The following TUSC3 variants were observed in gnomAD, a reference collection of about 807,000 sequenced individuals.
The protein encoded by TUSC3 is tumor suppressor candidate 3.
In TUSC3, 45 loss-of-function variants were observed where a neutral mutation model predicts 44.8. That is an observed-to-expected ratio of 1.00 (90% CI 0.79 to 1.29). The LOEUF (loss-of-function observed/expected upper bound fraction) is 1.29, where lower values mean the gene tolerates loss of function less well. TUSC3 is among the 50% of genes most tolerant of loss of function. The pLI, the probability that TUSC3 is intolerant of heterozygous loss-of-function variation, is 0.00. For missense variants in TUSC3, 519 were observed against 437.9 expected (o/e 1.19, Z -1.65); for synonymous variants, 212 against 152.9 (o/e 1.39, Z -2.85).
At chr8:15,700,465 C>G (rs944640615) in intron 6 of TUSC3, among the ~76,000 whole-genome samples, 3 of 152,020 alleles carry the variant, frequency 2.0e-5, no homozygotes, top group African/African-American at 7.2e-5. Flanking sequence ...GTGAAAGAGC[C>G]TTTTCCTTAG....
At chr8:15,648,130 ACT>A in intron 2 of TUSC3, among the ~76,000 whole-genome samples, 1 of 151,718 alleles carries the variant, frequency 6.6e-6, no homozygotes, top group African/African-American at 2.4e-5. Context: ...GACTTACTGG[ACT>A]CTAGGTCCTT....
chr8:15,434,711 G>C (rs1799923250), intron 1 of TUSC3, among the ~76,000 whole-genome samples: 1 of 151,546 alleles, frequency 6.6e-6, no homozygotes, highest in African/African-American at 2.4e-5. Flanking sequence ...ACAGGCCCCG[G>C]TGTGTGATAT....
At chr8:15,718,697 A>C (rs905641571) in intron 6 of TUSC3, among the ~76,000 whole-genome samples, 3 of 152,156 alleles carry the variant, frequency 2.0e-5, no homozygotes, top group African/African-American at 7.2e-5. Flanking sequence ...TTTAATTTTC[A>C]TAAACTTAGA....
intron 5 of TUSC3, among the ~76,000 whole-genome samples, chr8:15,671,024 A>G (rs953048392): frequency 6.6e-6 from 1 of 151,974 alleles, no homozygotes; most frequent in African/African-American, 2.4e-5. Flanking sequence ...ACAGAGGCTC[A>G]CAGCTAATAC....
At chr8:15,470,899 C>G (rs1298113900) in intron 1 of TUSC3, among the ~76,000 whole-genome samples, 1 of 151,976 alleles carries the variant, frequency 6.6e-6, no homozygotes, top group Non-Finnish European at 1.5e-5. Flanking sequence ...TGCCTTGTGC[C>G]CTGAGCTGAG....
At chr8:15,651,653 C>A (rs112729001) in intron 3 of TUSC3, among the ~76,000 whole-genome samples, 1 of 152,168 alleles carries the variant, frequency 6.6e-6, no homozygotes, top group South Asian at 2.1e-4. Context: ...TCACCCGAAA[C>A]CAACTCTGCC....
chr8:15,438,718 T>C (rs910435626), intron 1 of TUSC3, among the ~76,000 whole-genome samples: 1 of 152,214 alleles, frequency 6.6e-6, no homozygotes, highest in Non-Finnish European at 1.5e-5. Context: ...TCCTTGCTCT[T>C]ATATAGGACT....
the TUSC3 span, among the ~76,000 whole-genome samples, chr8:15,820,048 G>A: frequency 6.6e-6 from 1 of 152,070 alleles, no homozygotes; most frequent in South Asian, 2.1e-4. Context: ...CTAGTTTGCT[G>A]AGATTTTTGT....
At chr8:15,617,002 G>T (rs554178711) in intron 1 of TUSC3, among the ~76,000 whole-genome samples, 17 of 152,238 alleles carry the variant, frequency 1.1e-4, no homozygotes, top group African/African-American at 3.9e-4. Context: ...AGAGATTTCC[G>T]GCTAGCGAAG....
At position 15,421,668 on chromosome 8, in the gene TUSC3, G is replaced by GA. The variant is rs1338100565; in HGVS notation, n.91+4369dup. On this transcript the variant is annotated intron_variant and non_coding_transcript_variant, in intron 1 of 5. Coordinates refer to the TUSC3 transcript ENST00000503191. Reference sequence around the variant, plus strand: ...GTTTTGTCCACTAATGGGACAGTGGGAAAAAATATATAACAGATACTGAAT... The same window carrying GA: ...GTTTTGTCCACTAATGGGACAGTGGGAAAAAAATATATAACAGATACTGAAT... 5.9e-5 allele frequency among the ~76,000 whole-genome samples: 9 copies of GA among 152,078 alleles called. No homozygotes were observed. In the East Asian group the frequency reaches 1.2e-3, roughly 20 times the overall value.
rs1200709382 is a variant in TUSC3 at position 15,458,792 on chromosome 8, G to T, written n.92-24594G>T. Among the ~76,000 whole-genome samples, 4 of 152,140 alleles carry T rather than the reference G, an allele frequency of 2.6e-5. 1 individual carries two copies. The South Asian group carries it at 6.2e-4, about 24-fold the overall frequency. On this transcript the variant is annotated intron_variant and non_coding_transcript_variant, in intron 1 of 5. Transcript: ENST00000503191. ...AATCTTCACTAGGGAAGAACCATCA[G>T]TTTATCTTTGCAAGGACAAAAGGCC...
At chr8:15,438,793 A>C (rs1006055581) in intron 1 of TUSC3, among the ~76,000 whole-genome samples, 2 of 152,194 alleles carry the variant, frequency 1.3e-5, no homozygotes, top group African/African-American at 4.8e-5. Flanking sequence ...TGACAATCCT[A>C]GGAGCTAGGC....
intron 2 of TUSC3, among the ~76,000 whole-genome samples, chr8:15,533,842 C>G (rs1322161082): frequency 1.3e-5 from 2 of 152,052 alleles, no homozygotes; most frequent in Non-Finnish European, 2.9e-5. Flanking sequence ...GGGCTGACAT[C>G]TCTCCAGTCA....
intron 7 of TUSC3, among the ~76,000 whole-genome samples, chr8:15,732,885 A>G (rs889548486): frequency 3.9e-5 from 6 of 152,094 alleles, no homozygotes; most frequent in Admixed American, 3.3e-4. Context: ...TTGATGATGC[A>G]TGCTTGGATA....
At chr8:15,514,193 A>C (rs1013772773) in intron 2 of TUSC3, among the ~76,000 whole-genome samples, 2 of 152,166 alleles carry the variant, frequency 1.3e-5, no homozygotes, top group African/African-American at 4.8e-5. Flanking sequence ...TCTAGTAATT[A>C]CGTAGATACC....
At chr8:15,605,683 G>T (rs1820826) in intron 1 of TUSC3, among the ~76,000 whole-genome samples, 4 of 151,896 alleles carry the variant, frequency 2.6e-5, no homozygotes, top group African/African-American at 9.7e-5. Flanking sequence ...TCATCGTTTA[G>T]TACCATAAGA....
intron 2 of TUSC3, among the ~76,000 whole-genome samples, chr8:15,639,808 G>C (rs1160361687): frequency 6.9e-6 from 1 of 144,576 alleles, no homozygotes; most frequent in East Asian, 2.2e-4. Context: ...GACCCATGAG[G>C]ATGACTTAGT....
chr8:15,534,198 A>G (rs986994595), intron 2 of TUSC3, among the ~76,000 whole-genome samples: 3 of 152,168 alleles, frequency 2.0e-5, no homozygotes, highest in African/African-American at 7.2e-5. Flanking sequence ...AGATAAAATG[A>G]AAAGATCTTA....
intron 1 of TUSC3, among the ~76,000 whole-genome samples, chr8:15,569,785 C>G (rs1254280296): frequency 1.3e-5 from 2 of 151,942 alleles, no homozygotes; most frequent in Non-Finnish European, 2.9e-5. Flanking sequence ...AATTTTTCTT[C>G]CTTGTCTGTT....
Sources: gnomAD v4.1 joint callset for allele counts (sites outside exome capture counted in the v4.1 genomes callset) on GRCh38, gnomAD v4.1.1 for gene constraint, MANE v1.5 for transcripts, NCBI Gene and HGNC (gene_info 2026-07-23, HGNC 2026-07-21) for gene names.